The following POLD1 variants were observed in gnomAD, a reference collection of about 807,000 sequenced individuals.
POLD1 encodes DNA polymerase delta 1, catalytic subunit.
POLD1 carries 79 observed loss-of-function variants against 129.7 expected under a neutral mutation model. That is an observed-to-expected ratio of 0.61 (90% CI 0.51 to 0.73). The LOEUF (loss-of-function observed/expected upper bound fraction) is 0.73. Ranked by LOEUF, POLD1 falls within the 30% of genes least tolerant of loss-of-function variation. The pLI, the probability that POLD1 is intolerant of heterozygous loss-of-function variation, is 0.00. For synonymous variants in POLD1, 714 were observed against 683.3 expected (o/e 1.04, Z -0.70); for missense variants, 1,338 against 1,595.8 (o/e 0.84, Z 2.75).
chr19:50,416,631 A>G lies in POLD1; in HGVS notation c.2975A>G (p.Lys992Arg), dbSNP rs1427047895. ...VLLRGDHTRC[K>R]TVLTGKVGGL... ...GCAGGGGGGGACCACACGCGCTGCAAGACGGTGCTCACGGGCAAGGTGGGC... is the reference window on the plus strand; with the variant it reads ...GCAGGGGGGGACCACACGCGCTGCAGGACGGTGCTCACGGGCAAGGTGGGC... Residue 992 changes from lysine (K) to arginine (R), a missense_variant, in exon 24 of 27, where the codon AAG (lysine) becomes AGG (arginine). By Grantham distance (26) the Lys-to-Arg change is conservative. This residue lies in a region of POLD1 where 286 missense variants were observed against 277.5 expected (regional missense o/e 1.03). Coordinates refer to ENST00000440232, the MANE Select transcript of POLD1 (RefSeq NM_002691.4). The G allele has an allele frequency of 1.3e-6, 2 of 1,566,066 alleles. No homozygotes were observed. Among genetic ancestry groups the G allele is most frequent in the South Asian group, 2.3e-5 (2 of 85,708 alleles).
At chr19:50,392,540 T>C (rs1039805924) in intron 1 of POLD1, among the ~76,000 whole-genome samples, 2 of 151,622 alleles carry the variant, frequency 1.3e-5, no homozygotes, top group African/African-American at 2.4e-5. Context: ...TGCAGTGGCG[T>C]GATCGCAGCT....
intron 10 of POLD1, among the ~76,000 whole-genome samples, chr19:50,404,292 T>C (rs968020233): frequency 6.6e-6 from 1 of 150,944 alleles, no homozygotes; most frequent in Non-Finnish European, 1.5e-5. Context: ...AGACAAAGTC[T>C]CGCTCTGTCG....
In POLD1 at chr19:50,417,153, C is replaced by T. The variant is rs3212330; in HGVS notation, c.3121-19C>T. 33,384 of 1,580,788 alleles carry T rather than the reference C, an allele frequency of 0.021. 3,586 individuals carry two copies. In the African/African-American group the frequency reaches 0.29, roughly 14 times the overall value. On this transcript the variant is annotated intron_variant, in intron 25 of 26. Transcript: ENST00000440232. ...GGTGGGGAGGCGGGGGCGCCCTGCT[C>T]AGCCGCTGCCGTCCCCAGGTATCCC...
In POLD1 at chr19:50,409,525, G is replaced by A. The variant is rs2122384497; in HGVS notation, c.2013G>A (p.Lys671=). The part of the protein sequence containing the change: ...ENLLSARKRA[K]AELAKETDPL... ...TCCCCGTGTTCCCTCGCAGGGCCAA[G>A]GCCGAGCTGGCCAAGGAGACAGACC... Residue 671 remains lysine (K), a synonymous_variant, in exon 17 of 27, where the codon AAG becomes AAA. Transcript: ENST00000440232. The surrounding 1 kb of genome is among the most constrained non-coding windows in gnomAD (Gnocchi z 5.8). 1 of 1,613,556 alleles carries A rather than the reference G, an allele frequency of 6.2e-7. No homozygotes were observed. Among genetic ancestry groups the A allele is most frequent in the South Asian group, 1.1e-5 (1 of 91,086 alleles).
intron 17 of POLD1, 79 bp from the exon 18 acceptor site, chr19:50,413,347 C>T (rs189683529): frequency 1.9e-5 from 22 of 1,179,850 alleles, no homozygotes; most frequent in Admixed American, 7.9e-5. Flanking sequence ...ATGGCAGAGG[C>T]GGGACCCCTC....
rs775119313 is a variant in POLD1, at chr19:50,399,385, T to A, written c.217T>A (p.Ser73Thr). ...TCCCCCACCAGGGCAGGTCCCACCA[T>A]CAGCCATAGATCCTCGCTGGCTTCG... ...EGVADGQVPP[S>T]AIDPRWLRPT... The change falls in exon 3 of 27, where the codon TCA (serine) becomes ACA (threonine). Residue 73 changes from serine to threonine, a missense_variant. By Grantham distance (58) the Ser-to-Thr change is moderately conservative. Transcript: ENST00000440232. The A allele has an allele frequency of 1.2e-5, 19 of 1,613,658 alleles. No homozygotes were observed. The highest frequency in any genetic ancestry group is 1.6e-5 in the Non-Finnish European group (19 of 1,179,534).
At chr19:50,414,698 G>T in intron 19 of POLD1, 117 bp from the exon 20 acceptor site, 1 of 811,956 alleles carries the variant, frequency 1.2e-6, no homozygotes, top group Non-Finnish European at 1.9e-6. Context: ...TCAGGGCACG[G>T]CTCCCATGTC....
At position 50,415,719 on chromosome 19, in the gene POLD1, C is replaced by T. The variant is rs368965066; in HGVS notation, c.2718-5C>T. 251 of 1,535,160 alleles carry T rather than the reference C, an allele frequency of 1.6e-4. 1 individual carries two copies. The highest frequency in any genetic ancestry group is 9.3e-4 in the South Asian group (78 of 84,028). ...TCACCCACCCGCCACCCCATCTCCA[C>T]GCAGGATGAGGAAGCGGGACCCCGG... On this transcript the variant is annotated splice_region_variant and splice_polypyrimidine_tract_variant and intron_variant, in intron 21 of 26. Coordinates refer to ENST00000440232, the MANE Select transcript of POLD1 (RefSeq NM_002691.4).
intron 1 of POLD1, among the ~76,000 whole-genome samples, chr19:50,391,299 G>A (rs1444492095): frequency 2.0e-5 from 3 of 151,420 alleles, no homozygotes; most frequent in African/African-American, 2.4e-5. Flanking sequence ...ACGGGGTGGC[G>A]GCCGGGCAGA....
rs760151558 is a variant in POLD1 at position 50,409,917 on chromosome 19, G to C, written c.2154+251G>C. 6.6e-6 allele frequency among the ~76,000 whole-genome samples: 1 copy of C among 152,246 alleles called. No homozygotes were observed. The highest frequency in any genetic ancestry group is 1.5e-5 in the Non-Finnish European group (1 of 68,048). On this transcript the variant is annotated intron_variant, in intron 17 of 26. Coordinates refer to ENST00000440232, the MANE Select transcript of POLD1 (RefSeq NM_002691.4). This position sits in a 1 kb window ranked among gnomAD's most constrained non-coding sequence, Gnocchi z 5.8. ...ACAGAGGGGAACAAAATGGATGAGAGCTCCTGTCCCTGTCATCTTGCAGCC... is the reference window on the plus strand; with the variant it reads ...ACAGAGGGGAACAAAATGGATGAGACCTCCTGTCCCTGTCATCTTGCAGCC...
At position 50,415,413 on chromosome 19, in the gene POLD1, C is replaced by T. The variant is rs761905530; in HGVS notation, c.2565-25C>T. The T allele has an allele frequency of 6.0e-5, 96 of 1,597,920 alleles. No individual in the cohort carries two copies. The highest frequency in any genetic ancestry group is 6.0e-4 in the Middle Eastern group (3 of 5,002). ...CCTGGCCCTCAGTGCCTTTTGGTGA[C>T]GCTGTGCGGCCCGCTCTCCTACAGA... is the stretch of plus-strand genomic sequence containing the variant. On this transcript the variant is annotated intron_variant, in intron 20 of 26. Transcript: ENST00000440232.
intron 18 of POLD1, 62 bp from the exon 19 acceptor site, chr19:50,413,680 G>T (rs933689868): frequency 6.4e-7 from 1 of 1,559,286 alleles, no homozygotes; most frequent in South Asian, 1.2e-5. Context: ...GCCACCCCCC[G>T]ACACCAGTAG....
At chr19:50,388,000 G>A (rs1166199633) in intron 1 of POLD1, among the ~76,000 whole-genome samples, 1 of 152,170 alleles carries the variant, frequency 6.6e-6, no homozygotes, top group Non-Finnish European at 1.5e-5. Flanking sequence ...AGCAAAAAAG[G>A]GACACAGCAC....
At chr19:50,390,866 C>T (rs1400758737) in intron 1 of POLD1, among the ~76,000 whole-genome samples, 1 of 151,410 alleles carries the variant, frequency 6.6e-6, no homozygotes, top group Non-Finnish European at 1.5e-5. Flanking sequence ...GGACACAGCA[C>T]ATGTTTCAGA....
chr19:50,392,907 C>G (rs548283036), intron 1 of POLD1, among the ~76,000 whole-genome samples: 1 of 152,340 alleles, frequency 6.6e-6, no homozygotes, highest in African/African-American at 2.4e-5. Flanking sequence ...CTTTGAGAAC[C>G]TTCCCTATCA....
chr19:50,402,407 C>T (rs1229910871), intron 6 of POLD1, 34 bp downstream of exon 6: 1 of 1,613,642 alleles, frequency 6.2e-7, no homozygotes, highest in Admixed American at 1.7e-5. Context: ...CGGCCTCTAT[C>T]CCCACCCTCG....
chr19:50,416,467 G>C lies in POLD1; in HGVS notation c.2892G>C (p.Lys964Asn), dbSNP rs956916335. Residue 964 changes from lysine (K) to asparagine (N), a missense_variant, in exon 23 of 27, where the codon AAG (lysine) becomes AAC (asparagine). Physicochemically the swap from Lys to Asn is moderately conservative, Grantham distance 94 (BLOSUM62 0). Coordinates refer to ENST00000440232, the MANE Select transcript of POLD1 (RefSeq NM_002691.4). ...ACTACCTGGAGCAGCAGCTGGCCAA[G>C]CCCCTCCTGCGCATCTTCGAGCCCA... ...TQYYLEQQLAKPLLRIFEPIL... is the reference protein window; with the variant it reads ...TQYYLEQQLANPLLRIFEPIL... The C allele has an allele frequency of 3.9e-6, 6 of 1,550,750 alleles. No homozygotes were observed. Among genetic ancestry groups the C allele is most frequent in the Non-Finnish European group, 5.2e-6 (6 of 1,147,872 alleles).
intron 24 of POLD1, 40 bp downstream of exon 24, chr19:50,416,763 C>T (rs779808940): frequency 3.7e-5 from 52 of 1,412,730 alleles, no homozygotes; most frequent in Non-Finnish European, 4.8e-5. Context: ...TGGCCCTCAA[C>T]CTGCTCTGCC....
In POLD1 at chr19:50,417,041, A is replaced by G. The variant is rs1410754292; in HGVS notation, c.3068-4A>G. On this transcript the variant is annotated splice_polypyrimidine_tract_variant and splice_region_variant and intron_variant, in intron 24 of 26. Coordinates refer to ENST00000440232, the MANE Select transcript of POLD1 (RefSeq NM_002691.4). The stretch of plus-strand genomic sequence containing the variant: ...AGCACTTGGGCTGACCCGCCTCCCC[A>G]CAGGAGCCGTGTGTGAGTTCTGCCA... The G allele has an allele frequency of 1.3e-6, 2 of 1,549,682 alleles. No homozygotes were observed. The highest frequency in any genetic ancestry group is 1.4e-5 in the African/African-American group (1 of 72,934).
Sources: gnomAD v4.1 joint callset for allele counts (sites outside exome capture counted in the v4.1 genomes callset) on GRCh38, gnomAD v4.1.1 for gene constraint, gnomAD v4.1.1 regional missense constraint, Gnocchi (gnomAD v3.1) non-coding constraint, MANE v1.5 for transcripts, NCBI Gene and HGNC (gene_info 2026-07-23, HGNC 2026-07-21) for gene names.